The following SVIL variants were observed in gnomAD, a reference collection of about 807,000 sequenced individuals.
The protein encoded by SVIL is supervillin, also known as archvillin.
Under a neutral mutation model 240.4 loss-of-function variants are expected in SVIL, and 101 were observed. That is an observed-to-expected ratio of 0.42 (90% CI 0.36 to 0.50). The LOEUF is 0.50. Among genes scored for constraint, SVIL ranks in the 20% least tolerant of loss-of-function variants. The pLI is 0.01. For synonymous variants in SVIL, 999 were observed against 1,100.0 expected (o/e 0.91, Z 1.82); for missense variants, 2,512 against 2,818.7 (o/e 0.89, Z 2.46).
chr10:29,707,253 G>A (rs2132658352), intron 1 of SVIL, among the ~76,000 whole-genome samples: 1 of 152,278 alleles, frequency 6.6e-6, no homozygotes, highest in Non-Finnish European at 1.5e-5. Context: ...TCACGATATT[G>A]ATTCTTCTTA....
intron 2 of SVIL, among the ~76,000 whole-genome samples, chr10:29,684,559 T>G (rs1403673840): frequency 1.3e-5 from 2 of 152,070 alleles, no homozygotes; most frequent in Non-Finnish European, 2.9e-5. Context: ...GAGGAGTGTT[T>G]GGGTTAATAT....
intron 1 of SVIL, among the ~76,000 whole-genome samples, chr10:29,620,939 C>A (rs763602197): frequency 2.0e-5 from 3 of 150,556 alleles, no homozygotes; most frequent in Non-Finnish European, 4.4e-5. Context: ...TTTAAATAAA[C>A]TTTTTAAATT....
intron 1 of SVIL, among the ~76,000 whole-genome samples, chr10:29,706,910 C>T (rs1006867131): frequency 5.3e-5 from 8 of 152,096 alleles, no homozygotes; most frequent in African/African-American, 1.9e-4. Flanking sequence ...TTCCCCACTG[C>T]TTTTTTGTTG....
chr10:29,704,760 G>A (rs1284725038), intron 1 of SVIL, among the ~76,000 whole-genome samples: 3 of 151,972 alleles, frequency 2.0e-5, no homozygotes, highest in African/African-American at 4.8e-5. Context: ...CCTGTTCAAC[G>A]TCACTGCCCC....
chr10:29,724,228 T>C (rs1964151954), intron 1 of SVIL, among the ~76,000 whole-genome samples: 1 of 151,302 alleles, frequency 6.6e-6, no homozygotes, highest in South Asian at 2.1e-4. Context: ...GGAACCAATT[T>C]GTTCATGGAA....
rs1257865218 is a variant in SVIL, at chr10:29,735,560, C to T, written c.-400+191G>A. Among the ~76,000 whole-genome samples, 2 of 150,652 alleles carry T rather than the reference C, an allele frequency of 1.3e-5. No homozygotes were observed. Among genetic ancestry groups the T allele is most frequent in the African/African-American group, 4.9e-5 (2 of 41,186 alleles). On this transcript the variant is annotated intron_variant, in intron 1 of 35. Coordinates refer to the SVIL transcript ENST00000375400. The surrounding 1 kb of genome is among the most constrained non-coding windows in gnomAD (Gnocchi z 4.1). ...AGCGCAGCGCCCCGTCGCAGCGGCCCGGGCACCCGCCGGCCTCCACCCCCG... is the reference window on the plus strand; with the variant it reads ...AGCGCAGCGCCCCGTCGCAGCGGCCTGGGCACCCGCCGGCCTCCACCCCCG...
chr10:29,553,389 G>A (rs7080319), intron 5 of SVIL, among the ~76,000 whole-genome samples: 2 of 151,922 alleles, frequency 1.3e-5, no homozygotes, highest in African/African-American at 4.8e-5. Context: ...GACCAGCCTC[G>A]CCAACATGGT....
intron 6 of SVIL, among the ~76,000 whole-genome samples, chr10:29,537,361 T>A (rs2098161516): frequency 6.6e-6 from 1 of 152,194 alleles, no homozygotes; most frequent in East Asian, 1.9e-4. Flanking sequence ...CTAGGTAATA[T>A]ATAGTCCACA....
intron 1 of SVIL, among the ~76,000 whole-genome samples, chr10:29,692,399 C>A (rs1246822648): frequency 1.3e-5 from 2 of 152,060 alleles, no homozygotes; most frequent in East Asian, 3.9e-4. Flanking sequence ...CTAACTTGGG[C>A]AAGTTTAATC....
rs182347417 is a variant in SVIL, at chr10:29,664,030, A to G, written c.-300-5962T>C. Among the ~76,000 whole-genome samples the G allele has an allele frequency of 1.1e-3, 172 of 152,242 alleles. 2 individuals carry two copies. The South Asian group carries it at 0.029, about 26-fold the overall frequency. On this transcript the variant is annotated intron_variant, in intron 2 of 35. Coordinates refer to the SVIL transcript ENST00000375400. ...TCCTACGGGACACGTTCCCCATTTG[A>G]TGGTCTTTATGCTGCCATTGGATGA...
At chr10:29,576,001 G>T in intron 1 of SVIL, 1 of 523,506 alleles carries the variant, frequency 1.9e-6, no homozygotes, top group Non-Finnish European at 2.5e-6. Context: ...TATGACTGAA[G>T]TACCCTTGCA....
intron 5 of SVIL, among the ~76,000 whole-genome samples, chr10:29,553,353 C>T (rs142663719): frequency 0.054 from 8,217 of 152,006 alleles, 275 homozygotes; most frequent in Admixed American, 0.12. Flanking sequence ...CCGAGGCAGG[C>T]GGATCACCTG....
intron 1 of SVIL, among the ~76,000 whole-genome samples, chr10:29,582,451 C>A (rs1672274430): frequency 6.6e-6 from 1 of 152,056 alleles, no homozygotes; most frequent in South Asian, 2.1e-4. Flanking sequence ...ATAAAACTAG[C>A]TGTTCCCAGG....
At chr10:29,503,193 C>G (rs1159001514) in intron 17 of SVIL, among the ~76,000 whole-genome samples, 1 of 152,184 alleles carries the variant, frequency 6.6e-6, no homozygotes, top group Non-Finnish European at 1.5e-5. Flanking sequence ...AGAAATTTAG[C>G]TTTGCCCCTT....
Position 29,524,017 on chromosome 10 carries a change from C to T in SVIL, c.2597G>A (p.Gly866Glu). Residue 866 changes from glycine (G) to glutamate (E), a missense_variant, in exon 15 of 38, where the codon GGA becomes GAA. By Grantham distance (98) the Gly-to-Glu change is moderately conservative. Transcript: ENST00000355867. ...GGCAGGTGAGAAAGGAATGAGCTTT[C>T]CACTCTGCACCTGGAAGGACACAGT... ...TLGEVEQVQS[G>E]KLIPFSPAVN... 1 of 1,605,368 alleles carries T rather than the reference C, an allele frequency of 6.2e-7. No individual in the cohort carries two copies.
rs57939488 is a variant in SVIL at position 29,469,425 on chromosome 10, G to A, written c.5843+851C>T. Among the ~76,000 whole-genome samples, 502 of 152,318 alleles carry A rather than the reference G, an allele frequency of 3.3e-3. 2 individuals carry two copies. The highest frequency in any genetic ancestry group is 0.011 in the African/African-American group (473 of 41,578). On this transcript the variant is annotated intron_variant, in intron 32 of 37. Transcript: ENST00000355867. ...AATGGGGTTCACCAAATCAAACTCT[G>A]GGGACATGTGACCCTAGGAAGCTCT...
chr10:29,567,872 C>T (rs1191929614), intron 2 of SVIL, among the ~76,000 whole-genome samples: 1 of 152,032 alleles, frequency 6.6e-6, no homozygotes, highest in East Asian at 1.9e-4. Flanking sequence ...AAAAAATTAG[C>T]TGGGCCTGGT....
At chr10:29,473,046 C>T (rs553266256) in intron 30 of SVIL, among the ~76,000 whole-genome samples, 1 of 152,104 alleles carries the variant, frequency 6.6e-6, no homozygotes, top group East Asian at 1.9e-4. Context: ...AGTTTCCAGA[C>T]AGTGGAATGG....
chr10:29,468,178 A>G (rs1355795811), intron 32 of SVIL, among the ~76,000 whole-genome samples: 1 of 152,090 alleles, frequency 6.6e-6, no homozygotes, highest in Non-Finnish European at 1.5e-5. Flanking sequence ...GTATTTATGG[A>G]CTTGCCTGTT....
Sources: allele counts gnomAD v4.1 joint callset (sites outside exome capture counted in the v4.1 genomes callset), GRCh38; gene constraint gnomAD v4.1.1; non-coding constraint Gnocchi (gnomAD v3.1); transcripts MANE v1.5; gene names NCBI Gene and HGNC (gene_info 2026-07-23, HGNC 2026-07-21).